DPP10: variants seen among roughly 807,000 people sequenced by gnomAD.
The protein encoded by DPP10 is dipeptidyl peptidase like 10.
A neutral mutation model predicts 120.9 loss-of-function variants in DPP10; 33 were observed. That is an observed-to-expected ratio of 0.27 (90% CI 0.21 to 0.37). The LOEUF is 0.37. DPP10 is among the 10% of genes least tolerant of loss of function. The probability of loss-of-function intolerance (pLI) is 1.00; values close to 1 mark genes in which losing one functional copy is unlikely to be tolerated. For missense variants in DPP10, 816 were observed against 942.8 expected (o/e 0.87, Z 1.76); for synonymous variants, 337 against 326.1 (o/e 1.03, Z -0.36).
chr2:114,496,574 C>T (rs903880248), intron 1 of DPP10, among the ~76,000 whole-genome samples: 26 of 152,018 alleles, frequency 1.7e-4, no homozygotes, highest in Non-Finnish European at 2.6e-4. Context: ...GGGCACTAAT[C>T]CCATTCATAA....
chr2:114,737,349 G>T (rs548575162), intron 1 of DPP10, among the ~76,000 whole-genome samples: 2 of 152,164 alleles, frequency 1.3e-5, no homozygotes, highest in Non-Finnish European at 2.9e-5. Context: ...TCCTCCATCA[G>T]TCTGGTCCCA....
chr2:115,806,699 G>C (rs755003943), intron 19 of DPP10, among the ~76,000 whole-genome samples: 21 of 152,060 alleles, frequency 1.4e-4, no homozygotes, highest in Admixed American at 3.3e-4. Flanking sequence ...TGTATTGTCA[G>C]CCTCAGTACG....
chr2:114,505,747 C>T (rs13428658), intron 1 of DPP10, among the ~76,000 whole-genome samples: 5,246 of 152,276 alleles, frequency 0.034, 313 homozygotes, highest in African/African-American at 0.12. Flanking sequence ...ACCCTGTTCT[C>T]TCTGCCACTC....
At chr2:115,659,108 G>A (rs11688130) in intron 5 of DPP10, among the ~76,000 whole-genome samples, 133,249 of 151,980 alleles carry the variant, frequency 0.88, 60,792 homozygotes, top group Non-Finnish European at 0.99. Flanking sequence ...GGTAAGTTCA[G>A]CCTCCTTCCC....
chr2:115,009,389 T>C (rs1702094769), intron 1 of DPP10, among the ~76,000 whole-genome samples: 1 of 148,088 alleles, frequency 6.8e-6, no homozygotes, highest in African/African-American at 2.5e-5. Flanking sequence ...TGAGATCACA[T>C]GGACACAGGA....
intron 3 of DPP10, among the ~76,000 whole-genome samples, chr2:115,376,996 A>T (rs1343670044): frequency 6.7e-6 from 1 of 149,140 alleles, no homozygotes; most frequent in Non-Finnish European, 1.5e-5. Context: ...ATTGTGAATA[A>T]TGCCACAATA....
intron 1 of DPP10, among the ~76,000 whole-genome samples, chr2:114,971,231 A>C (rs896237033): frequency 1.3e-5 from 2 of 152,156 alleles, no homozygotes; most frequent in Admixed American, 1.3e-4. Flanking sequence ...TCACATTTGG[A>C]TACTATGATT....
chr2:114,826,980 C>T (rs1686605174), intron 1 of DPP10, among the ~76,000 whole-genome samples: 1 of 152,080 alleles, frequency 6.6e-6, no homozygotes, highest in Non-Finnish European at 1.5e-5. Context: ...CCATTCATTG[C>T]CCCTGGGTAT....
intron 2 of DPP10, among the ~76,000 whole-genome samples, chr2:115,329,838 G>A (rs2062601565): frequency 6.6e-6 from 1 of 152,074 alleles, no homozygotes; most frequent in African/African-American, 2.4e-5. Context: ...GTCTATCATT[G>A]ATGGACATTT....
chr2:115,031,153 AT>A (rs1385948931), intron 1 of DPP10, among the ~76,000 whole-genome samples: 8 of 122,512 alleles, frequency 6.5e-5, no homozygotes, highest in Non-Finnish European at 1.2e-4. Context: ...ATGCCTCATA[AT>A]TTTTTTTCCT....
At chr2:115,393,103 A>C (rs969963115) in intron 3 of DPP10, among the ~76,000 whole-genome samples, 1 of 152,166 alleles carries the variant, frequency 6.6e-6, no homozygotes, top group African/African-American at 2.4e-5. Flanking sequence ...GCTTGAGGCC[A>C]GGAGTTTGAG....
At chr2:115,775,087 A>G (rs977692674) in intron 13 of DPP10, among the ~76,000 whole-genome samples, 1 of 152,126 alleles carries the variant, frequency 6.6e-6, no homozygotes, top group African/African-American at 2.4e-5. Context: ...AATACTACAT[A>G]TACGAAAATA....
chr2:115,017,728 A>G (rs767841851), intron 1 of DPP10, among the ~76,000 whole-genome samples: 5 of 152,048 alleles, frequency 3.3e-5, no homozygotes, highest in African/African-American at 7.2e-5. Flanking sequence ...GCTGGAAACC[A>G]TCATTCTCAG....
intron 1 of DPP10, among the ~76,000 whole-genome samples, chr2:114,804,496 G>A (rs1684550521): frequency 6.6e-6 from 1 of 151,922 alleles, no homozygotes; most frequent in African/African-American, 2.4e-5. Flanking sequence ...CCAGGAGGCA[G>A]GCAAAGCCAC....
At chr2:115,723,189 G>A (rs1252632980) in intron 7 of DPP10, among the ~76,000 whole-genome samples, 1 of 152,206 alleles carries the variant, frequency 6.6e-6, no homozygotes, top group East Asian at 1.9e-4. Context: ...CCATATAGGG[G>A]CAGCAGCGGG....
At chr2:115,814,684 A>T in intron 19 of DPP10, 109 bp from the exon 20 acceptor site, 1 of 824,718 alleles carries the variant, frequency 1.2e-6, no homozygotes, top group Non-Finnish European at 1.7e-6. Flanking sequence ...CAGAAATTTT[A>T]ATAGCCAGCA....
intron 1 of DPP10, among the ~76,000 whole-genome samples, chr2:115,286,526 A>ATATATAT (rs10675008): frequency 0.016 from 996 of 60,858 alleles, 82 homozygotes; most frequent in East Asian, 0.039. Context: ...ATATATATAT[A>ATATATAT]ATATATATAT....
chr2:115,186,039 C>T (rs536022478), intron 1 of DPP10, among the ~76,000 whole-genome samples: 3 of 152,334 alleles, frequency 2.0e-5, no homozygotes, highest in South Asian at 4.1e-4. Flanking sequence ...ATGAGTTTCA[C>T]ACAATTTATT....
At chr2:114,833,854 A>G (rs1013897348) in intron 1 of DPP10, 8 of 152,196 alleles carry the variant, frequency 5.3e-5, no homozygotes, top group African/African-American at 9.7e-5. Flanking sequence ...TCAAAATCAT[A>G]AACCCTCTTT....
Sources: allele counts gnomAD v4.1 joint callset (sites outside exome capture counted in the v4.1 genomes callset), GRCh38; gene constraint gnomAD v4.1.1; transcripts MANE v1.5; gene names NCBI Gene and HGNC (gene_info 2026-07-23, HGNC 2026-07-21).